Variants in SLCO1A2 observed in about 807,000 individuals in gnomAD.
The protein encoded by SLCO1A2 is solute carrier organic anion transporter family member 1A2.
A neutral mutation model predicts 69.0 loss-of-function variants in SLCO1A2; 67 were observed. That is an observed-to-expected ratio of 0.97 (90% CI 0.80 to 1.19). The LOEUF (loss-of-function observed/expected upper bound fraction) is 1.19. Ranked by LOEUF, SLCO1A2 falls within the 50% of genes most tolerant of loss-of-function variation. The pLI is 0.00. For synonymous variants in SLCO1A2, 260 were observed against 265.9 expected (o/e 0.98, Z 0.22); for missense variants, 787 against 793.7 (o/e 0.99, Z 0.10).
chr12:21,370,349 T>G (rs1939688322), intron 2 of SLCO1A2, among the ~76,000 whole-genome samples: 1 of 152,056 alleles, frequency 6.6e-6, no homozygotes, highest in Admixed American at 6.6e-5. Context: ...TTTATTATAC[T>G]TTAAGTTTTA....
chr12:21,332,047 C>T (rs1190439926), intron 2 of SLCO1A2, among the ~76,000 whole-genome samples: 1 of 152,026 alleles, frequency 6.6e-6, no homozygotes, highest in African/African-American at 2.4e-5. Flanking sequence ...AATTTGTGAA[C>T]CCAAAAGTAT....
intron 1 of SLCO1A2, among the ~76,000 whole-genome samples, chr12:21,383,445 T>A (rs1447797386): frequency 6.6e-6 from 1 of 152,112 alleles, no homozygotes; most frequent in African/African-American, 2.4e-5. Context: ...AACCATCCCA[T>A]ACCCCACACT....
rs3060712 is a variant in SLCO1A2, at chr12:21,408,713, CGTGTGTGTGT to C, written c.-312+9159_-312+9168del. 4.5e-3 allele frequency among the ~76,000 whole-genome samples: 669 copies of C among 150,282 alleles called. 5 individuals are homozygous for C. The highest frequency in any genetic ancestry group is 0.014 in the African/African-American group (581 of 40,918). Reference sequence around the variant, plus strand: ...AGATGTTTGGCTGCCTCAGCGCATGCGTGTGTGTGTGTGTGTGTGTGTGTGTGTGTGTGTG... The same window carrying C: ...AGATGTTTGGCTGCCTCAGCGCATGCGTGTGTGTGTGTGTGTGTGTGTGTG... On this transcript the variant is annotated intron_variant, in intron 1 of 4. Transcript: ENST00000413682.
At chr12:21,324,511 T>C (rs1350275492) in intron 2 of SLCO1A2, 2 of 152,182 alleles carry the variant, frequency 1.3e-5, no homozygotes, top group East Asian at 3.8e-4. Flanking sequence ...ATAATCAGTG[T>C]CTCCAATTGT....
At chr12:21,327,026 C>T (rs973177696) in intron 2 of SLCO1A2, among the ~76,000 whole-genome samples, 1 of 152,148 alleles carries the variant, frequency 6.6e-6, no homozygotes, top group Non-Finnish European at 1.5e-5. Flanking sequence ...TAGCCCCTCC[C>T]ATCACAGGCC....
At chr12:21,360,269 A>T (rs1465403262) in intron 2 of SLCO1A2, among the ~76,000 whole-genome samples, 1 of 152,204 alleles carries the variant, frequency 6.6e-6, no homozygotes, top group East Asian at 1.9e-4. Flanking sequence ...CATTGGCCAA[A>T]ACCAGTCAAA....
At chr12:21,293,888 C>A in intron 11 of SLCO1A2, 57 bp downstream of exon 11, 2 of 1,432,268 alleles carry the variant, frequency 1.4e-6, no homozygotes, top group South Asian at 2.8e-5. Flanking sequence ...AGGCCCAGTT[C>A]ATAGTTGGGA....
At chr12:21,355,464 C>T (rs1938292266) in intron 2 of SLCO1A2, among the ~76,000 whole-genome samples, 1 of 152,156 alleles carries the variant, frequency 6.6e-6, no homozygotes, top group Non-Finnish European at 1.5e-5. Context: ...CAATAAGTGA[C>T]AGGAAGTTGT....
intron 2 of SLCO1A2, among the ~76,000 whole-genome samples, chr12:21,320,742 G>A (rs772878406): frequency 2.1e-4 from 32 of 151,920 alleles, no homozygotes; most frequent in Admixed American, 8.5e-4. Flanking sequence ...CAGGTGATCC[G>A]CCCACCTTGG....
At chr12:21,295,442 G>A (rs2136348519) in intron 10 of SLCO1A2, 155 bp downstream of exon 10, 2 of 601,402 alleles carry the variant, frequency 3.3e-6, no homozygotes, top group East Asian at 5.7e-5. Flanking sequence ...TGGATAGATT[G>A]GCTTGATTGA....
intron 1 of SLCO1A2, among the ~76,000 whole-genome samples, chr12:21,381,549 G>C (rs1198416122): frequency 1.3e-5 from 2 of 152,150 alleles, no homozygotes; most frequent in East Asian, 1.9e-4. Flanking sequence ...TGTAATCCCG[G>C]CACTTTGGGA....
intron 4 of SLCO1A2, among the ~76,000 whole-genome samples, chr12:21,310,731 T>G (rs1342655350): frequency 6.6e-6 from 1 of 152,170 alleles, no homozygotes; most frequent in South Asian, 2.1e-4. Flanking sequence ...GCCTCCTGAG[T>G]AGCTGGGACT....
Position 21,269,321 on chromosome 12 carries a change from T to A in SLCO1A2, c.*227A>T. ...TTCAACATAAAAATAAAGCTGGCTC[T>A]AAGAATCTTCTTTAGGGGGCTGTTA... On this transcript the variant is annotated 3_prime_UTR_variant, in exon 15 of 15. Transcript: ENST00000683939. 2.8e-6 allele frequency: 1 copy of A among 359,888 alleles called. No individual in the cohort carries two copies. Among genetic ancestry groups the A allele is most frequent in the Admixed American group, 4.4e-5 (1 of 22,824 alleles). 22.3% of individuals were successfully genotyped at this position (359,888 alleles called of 1,614,324 possible).
At chr12:21,347,234 T>C (rs1953282371) in intron 2 of SLCO1A2, among the ~76,000 whole-genome samples, 1 of 152,210 alleles carries the variant, frequency 6.6e-6, no homozygotes, top group Admixed American at 6.5e-5. Flanking sequence ...TTATAGGCTA[T>C]GATGGAGGCC....
At chr12:21,404,480 TGTG>T (rs766676907) in intron 1 of SLCO1A2, among the ~76,000 whole-genome samples, 11 of 152,266 alleles carry the variant, frequency 7.2e-5, no homozygotes, top group South Asian at 2.1e-4. Context: ...GTGAGAAACA[TGTG>T]GTGTTTAGTT....
intron 4 of SLCO1A2, chr12:21,311,881 A>ATGCTAGCCCGGCGTGGTGGTAGACGCC (rs1210127400): frequency 1.3e-5 from 2 of 152,322 alleles, no homozygotes; most frequent in African/African-American, 4.8e-5. Context: ...AGCTGAGATC[A>ATGCTAGCCCGGCGTGGTGGTAGACGCC]CGCCACTGCA....
At chr12:21,381,418 C>A (rs765884597) in intron 1 of SLCO1A2, among the ~76,000 whole-genome samples, 22 of 151,942 alleles carry the variant, frequency 1.4e-4, no homozygotes, top group African/African-American at 4.8e-4. Flanking sequence ...GAAAAAAATG[C>A]GCAACATCAC....
chr12:21,316,656 C>T (rs1950905785), intron 3 of SLCO1A2, among the ~76,000 whole-genome samples: 1 of 151,844 alleles, frequency 6.6e-6, no homozygotes, highest in African/African-American at 2.4e-5. Context: ...ACATAGACTC[C>T]TTTTCTTCTA....
intron 1 of SLCO1A2, chr12:21,403,810 G>C (rs1424835835): frequency 6.7e-6 from 1 of 149,914 alleles, no homozygotes; most frequent in Non-Finnish European, 1.5e-5. Flanking sequence ...TCAGTTAATG[G>C]CACTAAACTT....
Sources: allele counts gnomAD v4.1 joint callset (sites outside exome capture counted in the v4.1 genomes callset), GRCh38; gene constraint gnomAD v4.1.1; transcripts MANE v1.5; gene names NCBI Gene and HGNC (gene_info 2026-07-23, HGNC 2026-07-21).